The following COL4A2 variants were observed in gnomAD, a reference collection of about 807,000 sequenced individuals.
COL4A2 encodes collagen alpha-2(IV) chain.
A neutral mutation model predicts 200.2 loss-of-function variants in COL4A2; 99 were observed. The ratio of observed to expected loss-of-function variants is 0.49; its 90% CI spans 0.42 to 0.58. COL4A2 has a LOEUF of 0.58. Ranked by LOEUF, COL4A2 falls within the 20% of genes least tolerant of loss-of-function variation. The pLI is 0.00. For synonymous variants in COL4A2, 897 were observed against 900.6 expected (o/e 1.00, Z 0.07); for missense variants, 1,950 against 2,314.1 (o/e 0.84, Z 3.23).
At chr13:110,451,523 A>G (rs1349501368) in intron 20 of COL4A2, among the ~76,000 whole-genome samples, 1 of 152,210 alleles carries the variant, frequency 6.6e-6, no homozygotes, top group Non-Finnish European at 1.5e-5. Flanking sequence ...GGAAGCAAAC[A>G]TGTCCTTCTT....
intron 21 of COL4A2, chr13:110,457,981 C>T (rs1428907029): frequency 7.5e-6 from 3 of 397,894 alleles, no homozygotes; most frequent in African/African-American, 2.1e-5. Context: ...GACTCTGCCC[C>T]TAGCTCGAGG....
intron 3 of COL4A2, chr13:110,328,405 G>A (rs1594148709): frequency 6.6e-6 from 1 of 152,214 alleles, no homozygotes; most frequent in African/African-American, 2.4e-5. Flanking sequence ...TGGGAGAAGA[G>A]ACAACCCCTG....
intron 36 of COL4A2, among the ~76,000 whole-genome samples, chr13:110,490,931 G>A (rs923310391): frequency 2.6e-5 from 4 of 152,212 alleles, no homozygotes; most frequent in Admixed American, 1.3e-4. Context: ...ACGGTATTTC[G>A]GAGCTGTGGT....
chr13:110,380,073 T>C (rs1878404324), intron 4 of COL4A2, among the ~76,000 whole-genome samples: 1 of 152,150 alleles, frequency 6.6e-6, no homozygotes, highest in Non-Finnish European at 1.5e-5. Context: ...ACTCAAACCG[T>C]CCCCACACCT....
intron 32 of COL4A2, among the ~76,000 whole-genome samples, chr13:110,483,245 C>T (rs1447125636): frequency 6.6e-6 from 1 of 152,198 alleles, no homozygotes; most frequent in Admixed American, 6.5e-5. Flanking sequence ...TCTCTAAAAA[C>T]GTAATGACTA....
intron 6 of COL4A2, among the ~76,000 whole-genome samples, chr13:110,425,986 G>A (rs928166797): frequency 3.9e-5 from 6 of 152,194 alleles, no homozygotes; most frequent in African/African-American, 1.4e-4. Flanking sequence ...CAGTGATCTC[G>A]GGGCTACCTG....
At chr13:110,392,354 G>C (rs1163306397) in intron 4 of COL4A2, among the ~76,000 whole-genome samples, 1 of 152,174 alleles carries the variant, frequency 6.6e-6, no homozygotes, top group Non-Finnish European at 1.5e-5. Flanking sequence ...GGAGGACTGG[G>C]TATTTATCTC....
At chr13:110,438,142 A>G in intron 14 of COL4A2, 105 bp downstream of exon 14, 1 of 833,094 alleles carries the variant, frequency 1.2e-6, no homozygotes, top group Non-Finnish European at 2.0e-6. Context: ...GCACACCGCC[A>G]GTCTCTCATC....
chr13:110,412,954 GATC>G (rs2053367381), intron 4 of COL4A2, among the ~76,000 whole-genome samples: 1 of 152,206 alleles, frequency 6.6e-6, no homozygotes, highest in South Asian at 2.1e-4. Context: ...GATAAAACCA[GATC>G]ATCTGGTGGA....
chr13:110,341,719 G>A (rs1332576680), intron 3 of COL4A2, among the ~76,000 whole-genome samples: 1 of 152,198 alleles, frequency 6.6e-6, no homozygotes, highest in African/African-American at 2.4e-5. Context: ...TCCATCTGGA[G>A]GTGTTTCTGC....
At chr13:110,320,435 T>G (rs1024275439) in intron 3 of COL4A2, among the ~76,000 whole-genome samples, 1 of 152,198 alleles carries the variant, frequency 6.6e-6, no homozygotes, top group Non-Finnish European at 1.5e-5. Context: ...AACAAATGAG[T>G]TATTTCACTC....
chr13:110,332,638 C>A (rs1324161685), intron 3 of COL4A2, among the ~76,000 whole-genome samples: 4 of 152,236 alleles, frequency 2.6e-5, no homozygotes, highest in Middle Eastern at 3.4e-3. Flanking sequence ...AACGTTGGGC[C>A]CACGGAAATA....
intron 34 of COL4A2, 131 bp downstream of exon 34, chr13:110,485,967 G>A (rs760819298): frequency 1.3e-4 from 182 of 1,422,632 alleles, no homozygotes; most frequent in Admixed American, 7.8e-5. Context: ...CTCAGGCTTG[G>A]TGGGGTCCAC....
intron 3 of COL4A2, among the ~76,000 whole-genome samples, chr13:110,326,994 T>G (rs752105777): frequency 5.9e-5 from 9 of 152,184 alleles, no homozygotes; most frequent in Non-Finnish European, 1.2e-4. Context: ...TTCCCAGAAG[T>G]TTTAAGAAAT....
At chr13:110,462,478 C>G in intron 24 of COL4A2, 94 bp downstream of exon 24, 5 of 1,207,532 alleles carry the variant, frequency 4.1e-6, no homozygotes, top group Non-Finnish European at 5.9e-6. Flanking sequence ...GACATGAGCA[C>G]TAAACCAACC....
rs765414788 is a variant in COL4A2 at position 110,504,238 on chromosome 13, G to T, written c.4376G>T (p.Gly1459Val). ...TTCCGGGGAGATGAAGGACCCATAG[G>T]CCACCAGGGGCCGATTGGCCAAGAA... is the stretch of plus-strand genomic sequence containing the variant. ...PGFRGDEGPI[G>V]HQGPIGQEGA... The change falls in exon 45 of 48, where the codon GGC becomes GTC. Residue 1459 changes from glycine (G) to valine (V), a missense_variant. Transcript: ENST00000360467. 1 of 1,614,002 alleles carries T rather than the reference G, an allele frequency of 6.2e-7. No homozygotes were observed. The highest frequency in any genetic ancestry group is 8.5e-7 in the Non-Finnish European group (1 of 1,180,004).
chr13:110,402,367 C>T (rs1048204578), intron 4 of COL4A2, among the ~76,000 whole-genome samples: 1 of 152,154 alleles, frequency 6.6e-6, no homozygotes, highest in South Asian at 2.1e-4. Context: ...GTAAGTGATG[C>T]CAGGTGAGTC....
chr13:110,438,109 G>A (rs1880967235), intron 14 of COL4A2, 72 bp downstream of exon 14: 2 of 1,309,984 alleles, frequency 1.5e-6, no homozygotes, highest in Admixed American at 1.8e-5. Context: ...GGCATGACGG[G>A]GTGCACCATG....
chr13:110,386,560 G>A (rs1264878983), intron 4 of COL4A2, among the ~76,000 whole-genome samples: 1 of 152,096 alleles, frequency 6.6e-6, no homozygotes, highest in Non-Finnish European at 1.5e-5. Flanking sequence ...GAGTTTATAA[G>A]GCAACTAGTG....
Sources: gnomAD v4.1 joint callset for allele counts (sites outside exome capture counted in the v4.1 genomes callset) on GRCh38, gnomAD v4.1.1 for gene constraint, MANE v1.5 for transcripts, NCBI Gene and HGNC (gene_info 2026-07-23, HGNC 2026-07-21) for gene names.